SCN1A: variants seen among roughly 807,000 people sequenced by gnomAD.
SCN1A encodes sodium channel protein type 1 subunit alpha.
In SCN1A, 13 loss-of-function variants were observed where a neutral mutation model predicts 193.7. The observed-to-expected ratio is 0.07, with a 90% CI of 0.04 to 0.11. The LOEUF is 0.11. SCN1A is among the 10% of genes least tolerant of loss of function. The pLI is 1.00. For synonymous variants in SCN1A, 781 were observed against 843.6 expected (o/e 0.93, Z 1.29); for missense variants, 1,432 against 2,451.1 (o/e 0.58, Z 8.78).
chr2:166,008,639 A>T (rs2105558792), intron 23 of SCN1A, among the ~76,000 whole-genome samples: 1 of 151,244 alleles, frequency 6.6e-6, no homozygotes, highest in South Asian at 2.1e-4. Flanking sequence ...TATGTTAGGG[A>T]AATCGAAGAC....
chr2:166,111,940 G>C (rs547609728), intron 2 of SCN1A, among the ~76,000 whole-genome samples: 4 of 152,252 alleles, frequency 2.6e-5, no homozygotes, highest in African/African-American at 9.6e-5. Context: ...TAAGAGAGGA[G>C]GAGTTGCTTC....
At chr2:166,124,584 G>A (rs547925658) in intron 2 of SCN1A, among the ~76,000 whole-genome samples, 2 of 152,196 alleles carry the variant, frequency 1.3e-5, no homozygotes, top group African/African-American at 4.8e-5. Flanking sequence ...AAATGGAGTG[G>A]ATTTGGGTAA....
intron 8 of SCN1A, among the ~76,000 whole-genome samples, chr2:166,052,486 C>T (rs916706781): frequency 6.6e-6 from 1 of 151,878 alleles, no homozygotes; most frequent in African/African-American, 2.4e-5. Context: ...ATTCCCTTCT[C>T]TTTTGTTAGC....
chr2:166,043,325 A>C lies in SCN1A; in HGVS notation c.2043+344T>G, dbSNP rs372014200. Among the ~76,000 whole-genome samples the C allele has an allele frequency of 3.1e-4, 47 of 152,328 alleles. No individual in the cohort carries two copies. In the South Asian group the frequency reaches 9.5e-3, roughly 31 times the overall value. ...GAAAGATTTATTACATACCCTTGAC[A>C]CTTAAACATAGAATCATTCATTTAC... On this transcript the variant is annotated intron_variant, in intron 14 of 28. Transcript: ENST00000674923.
chr2:166,124,472 G>T (rs13008617), intron 2 of SCN1A, among the ~76,000 whole-genome samples: 1 of 151,992 alleles, frequency 6.6e-6, no homozygotes, highest in Non-Finnish European at 1.5e-5. Flanking sequence ...ACTTCAACCC[G>T]GGAGGCAGAA....
In SCN1A at chr2:166,037,677, G is replaced by A. The variant is rs149365631; in HGVS notation, c.2946+99C>T. 1.7e-3 allele frequency: 1,782 copies of A among 1,062,928 alleles called. 29 individuals carry two copies. The African/African-American group carries it at 0.025, about 15-fold the overall frequency. The allele number at this position is 1,062,928 out of a possible 1,614,324, so 65.8% of individuals were successfully genotyped here. A position where few individuals can be genotyped will look rare whatever the true frequency, so the allele number is the denominator to read the frequency against. On this transcript the variant is annotated intron_variant, in intron 18 of 28. Transcript: ENST00000674923. ...ACTCTTTTTTTTTATTATACTTTAA[G>A]TTTTAGGGTACATGTGCACAATGTG...
chr2:166,057,676 C>G (rs565494323), intron 5 of SCN1A, among the ~76,000 whole-genome samples: 1 of 151,836 alleles, frequency 6.6e-6, no homozygotes, highest in African/African-American at 2.4e-5. Context: ...CATATTTATA[C>G]CACTAAAGAA....
chr2:166,133,547 CATT>C (rs1464789493), intron 1 of SCN1A, among the ~76,000 whole-genome samples: 2 of 152,112 alleles, frequency 1.3e-5, no homozygotes, highest in Non-Finnish European at 2.9e-5. Flanking sequence ...GATGTAATAG[CATT>C]ATTCCTCTGA....
intron 16 of SCN1A, among the ~76,000 whole-genome samples, chr2:166,039,826 A>G (rs2105818959): frequency 6.6e-6 from 1 of 152,150 alleles, no homozygotes; most frequent in Non-Finnish European, 1.5e-5. Context: ...AGATAAGGAA[A>G]CTGAGGTCTT....
intron 26 of SCN1A, among the ~76,000 whole-genome samples, chr2:165,996,576 A>G (rs1690093961): frequency 6.6e-6 from 1 of 151,506 alleles, no homozygotes; most frequent in African/African-American, 2.4e-5. Context: ...AACTCTGTCA[A>G]GAATTGGAGG....
intron 2 of SCN1A, among the ~76,000 whole-genome samples, chr2:166,124,043 A>T (rs1242092388): frequency 6.6e-6 from 1 of 152,068 alleles, no homozygotes; most frequent in Non-Finnish European, 1.5e-5. Context: ...TGCCCCTCTC[A>T]TCCTCACTAT....
rs779436780 is a variant in SCN1A at position 166,041,106 on chromosome 2, T to C, written c.2415+125A>G. 311 of 781,326 alleles carry C rather than the reference T, an allele frequency of 4.0e-4. 1 individual carries two copies. The highest frequency in any genetic ancestry group is 6.0e-4 in the Non-Finnish European group (271 of 450,704). The allele number at this position is 781,326 out of a possible 1,614,324, so 48.4% of individuals were successfully genotyped here. A position where few individuals can be genotyped will look rare whatever the true frequency, so the allele number is the denominator to read the frequency against. ...TAGAGTATAGCCAGCTAAATATAAT[T>C]GCGATTTTGCAGGGGCCAGGAAGCA... On this transcript the variant is annotated intron_variant, in intron 16 of 28. Coordinates refer to ENST00000674923, the MANE Select transcript of SCN1A (RefSeq NM_001165963.4).
At chr2:166,084,571 T>C (rs1685896016) in intron 2 of SCN1A, among the ~76,000 whole-genome samples, 1 of 152,132 alleles carries the variant, frequency 6.6e-6, no homozygotes, top group Non-Finnish European at 1.5e-5. Flanking sequence ...CTTGGTACAA[T>C]TCCCTTTGAA....
At chr2:166,028,371 A>G (rs1695082560) in intron 19 of SCN1A, among the ~76,000 whole-genome samples, 1 of 147,870 alleles carries the variant, frequency 6.8e-6, no homozygotes, top group South Asian at 2.2e-4. Flanking sequence ...AATTGAGCAC[A>G]GAGCTTCTAT....
intron 27 of SCN1A, 55 bp from the exon 28 acceptor site, chr2:165,994,471 G>T (rs1689738300): frequency 6.6e-7 from 1 of 1,523,826 alleles, no homozygotes; most frequent in Non-Finnish European, 9.1e-7. Flanking sequence ...ATGTGCATTA[G>T]CATTAAGTAC....
chr2:166,079,301 G>T (rs1465170301), intron 2 of SCN1A, among the ~76,000 whole-genome samples: 1 of 150,700 alleles, frequency 6.6e-6, no homozygotes, highest in Non-Finnish European at 1.5e-5. Flanking sequence ...TAACACTTAT[G>T]ATCAGATCTT....
intron 19 of SCN1A, among the ~76,000 whole-genome samples, chr2:166,020,908 A>G (rs1290398521): frequency 6.6e-6 from 1 of 152,160 alleles, no homozygotes; most frequent in African/African-American, 2.4e-5. Context: ...CAAACAATGA[A>G]CCCATGCTGG....
At chr2:166,093,546 T>A (rs750602552) in intron 2 of SCN1A, among the ~76,000 whole-genome samples, 42 of 152,156 alleles carry the variant, frequency 2.8e-4, no homozygotes, top group Non-Finnish European at 2.9e-5. Context: ...GGTTTCACCG[T>A]GTTAGCTAGG....
At chr2:165,999,984 A>G (rs1690610102) in intron 24 of SCN1A, 1 of 591,620 alleles carries the variant, frequency 1.7e-6, no homozygotes, top group Admixed American at 2.7e-5. Context: ...GCCATTTGAT[A>G]TATCCTCCCC....
Sources: allele counts gnomAD v4.1 joint callset (sites outside exome capture counted in the v4.1 genomes callset), GRCh38; gene constraint gnomAD v4.1.1; transcripts MANE v1.5; gene names NCBI Gene and HGNC (gene_info 2026-07-23, HGNC 2026-07-21).